The following CSMD1 variants were observed in gnomAD, a reference collection of about 807,000 sequenced individuals.
CSMD1 encodes the protein CUB and Sushi multiple domains 1.
A neutral mutation model predicts 417.5 loss-of-function variants in CSMD1; 213 were observed. The observed-to-expected ratio is 0.51, with a 90% confidence interval of 0.46 to 0.57. The LOEUF (loss-of-function observed/expected upper bound fraction) is 0.57. Among genes scored for constraint, CSMD1 ranks in the 20% least tolerant of loss-of-function variants. CSMD1 has a pLI of 0.00. For synonymous variants in CSMD1, 2,862 were observed against 1,736.8 expected (o/e 1.65, Z -16.11); for missense variants, 6,923 against 4,529.7 (o/e 1.53, Z -15.17).
At chr8:4,421,900 A>T (rs1797269594) in intron 2 of CSMD1, among the ~76,000 whole-genome samples, 1 of 152,068 alleles carries the variant, frequency 6.6e-6, no homozygotes, top group Non-Finnish European at 1.5e-5. Flanking sequence ...AATAAAATTG[A>T]AAAAGACTGA....
At chr8:3,957,155 A>T (rs1379626918) in intron 5 of CSMD1, among the ~76,000 whole-genome samples, 2 of 151,954 alleles carry the variant, frequency 1.3e-5, no homozygotes, top group Non-Finnish European at 2.9e-5. Context: ...CCTACTTCAC[A>T]CCCAGCTCTG....
intron 2 of CSMD1, among the ~76,000 whole-genome samples, chr8:4,482,663 G>C (rs1043899467): frequency 2.0e-5 from 3 of 152,108 alleles, no homozygotes; most frequent in African/African-American, 7.2e-5. Flanking sequence ...TCTTTGAGGA[G>C]TTTCCACACT....
chr8:3,940,630 G>A (rs1026171456), intron 5 of CSMD1, among the ~76,000 whole-genome samples: 5 of 151,354 alleles, frequency 3.3e-5, no homozygotes, highest in Admixed American at 3.3e-4. Flanking sequence ...CAATCAATAT[G>A]TAACCTTAAC....
chr8:3,379,550 A>G (rs968070588), intron 18 of CSMD1, among the ~76,000 whole-genome samples: 3 of 152,238 alleles, frequency 2.0e-5, no homozygotes, highest in Non-Finnish European at 2.9e-5. Context: ...CAAAGCAGAT[A>G]TATAGACCAA....
chr8:4,953,079 G>C (rs1467336202), intron 1 of CSMD1, among the ~76,000 whole-genome samples: 1 of 151,994 alleles, frequency 6.6e-6, no homozygotes, highest in Non-Finnish European at 1.5e-5. Flanking sequence ...AAACATTATA[G>C]TCCTTAAAAG....
Position 3,982,992 on chromosome 8 carries a change from G to C in CSMD1, c.818+14911C>G, listed in dbSNP as rs192437527. The stretch of plus-strand genomic sequence containing the variant: ...ACAAACGACAAATAGGGCCCCTAGA[G>C]CTAGTTAGTAGCCCAAGACAGCACA... On this transcript the variant is annotated intron_variant, in intron 5 of 69. Coordinates refer to ENST00000635120, the MANE Select transcript of CSMD1 (RefSeq NM_033225.6). 6.3e-3 allele frequency among the ~76,000 whole-genome samples: 963 copies of C among 152,212 alleles called. 9 individuals are homozygous for C. The highest frequency in any genetic ancestry group is 9.3e-3 in the Non-Finnish European group (632 of 68,014).
At chr8:4,248,059 A>G (rs1429696351) in intron 3 of CSMD1, among the ~76,000 whole-genome samples, 1 of 152,190 alleles carries the variant, frequency 6.6e-6, no homozygotes, top group Non-Finnish European at 1.5e-5. Flanking sequence ...ATTTGAATGA[A>G]TGGAAATTGT....
chr8:4,811,934 G>C (rs1317103414), intron 1 of CSMD1, among the ~76,000 whole-genome samples: 2 of 152,058 alleles, frequency 1.3e-5, no homozygotes, highest in South Asian at 4.1e-4. Context: ...TTTCTGATAG[G>C]CGCATTAGAA....
intron 3 of CSMD1, among the ~76,000 whole-genome samples, chr8:4,079,729 G>T (rs1210108393): frequency 1.3e-5 from 2 of 152,090 alleles, no homozygotes; most frequent in East Asian, 3.9e-4. Context: ...ATAGCCCAAT[G>T]GATATTTTTG....
intron 7 of CSMD1, among the ~76,000 whole-genome samples, chr8:3,667,140 T>G (rs1431590819): frequency 6.6e-6 from 1 of 151,920 alleles, no homozygotes; most frequent in Non-Finnish European, 1.5e-5. Context: ...GGGAGTGAGG[T>G]AAAGGGGGGC....
At chr8:4,971,636 G>C (rs545259592) in intron 1 of CSMD1, among the ~76,000 whole-genome samples, 5 of 151,578 alleles carry the variant, frequency 3.3e-5, no homozygotes, top group South Asian at 2.1e-4. Flanking sequence ...GCATCAAAAT[G>C]TATAGTCTTA....
intron 12 of CSMD1, among the ~76,000 whole-genome samples, chr8:3,434,137 G>T (rs768591213): frequency 1.4e-4 from 22 of 152,118 alleles, no homozygotes; most frequent in Non-Finnish European, 2.9e-4. Context: ...TACCTTTGAG[G>T]TTCTCTGGCA....
intron 49 of CSMD1, among the ~76,000 whole-genome samples, chr8:3,069,669 T>C (rs957318289): frequency 2.0e-5 from 3 of 152,138 alleles, no homozygotes; most frequent in African/African-American, 7.2e-5. Flanking sequence ...TGAGTGCCTG[T>C]GGCTTTTTCA....
At chr8:4,079,793 G>A (rs750519626) in intron 3 of CSMD1, among the ~76,000 whole-genome samples, 1 of 152,074 alleles carries the variant, frequency 6.6e-6, no homozygotes, top group Non-Finnish European at 1.5e-5. Flanking sequence ...TTTTCATCAG[G>A]TTAGTAGCAG....
intron 7 of CSMD1, among the ~76,000 whole-genome samples, chr8:3,639,290 A>G (rs930209408): frequency 1.4e-4 from 21 of 152,292 alleles, no homozygotes; most frequent in African/African-American, 3.8e-4. Flanking sequence ...ATACTTTATT[A>G]TTACTATTTT....
chr8:4,387,854 A>G (rs1803559827), intron 3 of CSMD1, among the ~76,000 whole-genome samples: 1 of 152,158 alleles, frequency 6.6e-6, no homozygotes, highest in Non-Finnish European at 1.5e-5. Flanking sequence ...ACAGCTGTCA[A>G]CAAATATTCT....
chr8:4,594,405 G>A (rs904308715), intron 2 of CSMD1, among the ~76,000 whole-genome samples: 1 of 151,680 alleles, frequency 6.6e-6, no homozygotes, highest in Non-Finnish European at 1.5e-5. Flanking sequence ...TCACCATGTT[G>A]GCCAGGCTGG....
At chr8:3,481,505 C>T (rs1048683911) in intron 11 of CSMD1, among the ~76,000 whole-genome samples, 6 of 152,166 alleles carry the variant, frequency 3.9e-5, no homozygotes, top group African/African-American at 1.4e-4. Flanking sequence ...TAAATAATGG[C>T]CTCACTCCTG....
chr8:4,245,424 G>T (rs1214087818), intron 3 of CSMD1, among the ~76,000 whole-genome samples: 1 of 152,122 alleles, frequency 6.6e-6, no homozygotes, highest in Non-Finnish European at 1.5e-5. Context: ...AAGGGAGGAG[G>T]AGGCAGGTTA....
Sources: gnomAD v4.1 joint callset for allele counts (sites outside exome capture counted in the v4.1 genomes callset) on GRCh38, gnomAD v4.1.1 for gene constraint, MANE v1.5 for transcripts, NCBI Gene and HGNC (gene_info 2026-07-23, HGNC 2026-07-21) for gene names.